Variants in USP47 observed in about 807,000 individuals in gnomAD.
USP47 encodes the protein ubiquitin specific peptidase 47.
Under a neutral mutation model 165.1 loss-of-function variants are expected in USP47, and 35 were observed. That is an observed-to-expected ratio of 0.21 (90% CI 0.16 to 0.28). The LOEUF is 0.28. Among genes scored for constraint, USP47 ranks in the 10% least tolerant of loss-of-function variants. The pLI, the probability that USP47 is intolerant of heterozygous loss-of-function variation, is 1.00. For synonymous variants in USP47, 531 were observed against 544.5 expected (o/e 0.98, Z 0.35); for missense variants, 1,277 against 1,607.4 (o/e 0.79, Z 3.52).
intron 8 of USP47, among the ~76,000 whole-genome samples, chr11:11,910,967 AT>A (rs1300047470): frequency 1.1e-4 from 16 of 152,366 alleles, no homozygotes; most frequent in African/African-American, 2.9e-4. Flanking sequence ...AGCAGCCATC[AT>A]AGAAACACTT....
chr11:11,943,451 A>G (rs80166086), intron 20 of USP47: 2,807 of 162,712 alleles, frequency 0.017, 65 homozygotes, highest in East Asian at 0.082. Flanking sequence ...TTGATATTCA[A>G]TGCCCAGGAA....
intron 8 of USP47, among the ~76,000 whole-genome samples, chr11:11,913,270 A>C (rs1463438995): frequency 6.6e-6 from 1 of 151,196 alleles, no homozygotes; most frequent in East Asian, 1.9e-4. Flanking sequence ...AAAAAAAAAA[A>C]AAAAAAACAA....
Position 11,922,890 on chromosome 11 carries a change from AG to A in USP47, c.1386+1del. 6.2e-7 allele frequency: 1 copy of A among 1,609,224 alleles called. No individual in the cohort carries two copies. The highest frequency in any genetic ancestry group is 8.5e-7 in the Non-Finnish European group (1 of 1,177,166). On this transcript the variant is annotated frameshift_variant and splice_region_variant, in exon 11 of 28. Transcript: ENST00000527733. LOFTEE classifies it high-confidence loss of function. ...TEKISKSGLE[K>X]NSLIYELFSV... ...AAGATCTCAAAATCTGGACTTGAAA[AG>A]GTACCTTTTATAGTTTGCATTTTTT...
At chr11:11,955,926 CA>C in intron 27 of USP47, 74 bp from the exon 28 acceptor site, 1 of 1,165,922 alleles carries the variant, frequency 8.6e-7, no homozygotes, top group Non-Finnish European at 1.2e-6. Context: ...TGAGGAGCAT[CA>C]TAGCATTCAA....
At position 11,915,688 on chromosome 11, in the gene USP47, TAGAC is replaced by T. The variant is rs763504668; in HGVS notation, c.970-4465_970-4462del. Among the ~76,000 whole-genome samples, 27 of 152,080 alleles carry T rather than the reference TAGAC, an allele frequency of 1.8e-4. 1 individual carries two copies. The highest frequency in any genetic ancestry group is 2.0e-4 in the Admixed American group (3 of 15,264). On this transcript the variant is annotated intron_variant, in intron 8 of 27. Coordinates refer to ENST00000527733, the MANE Select transcript of USP47 (RefSeq NM_001282659.2). ...TCAAAAGTTTCAATGAAAAAAAAAG[TAGAC>T]AGCTTAGGTAAAAGTATATAGGCCT...
At chr11:11,865,387 T>G (rs1849614099) in intron 1 of USP47, among the ~76,000 whole-genome samples, 1 of 152,186 alleles carries the variant, frequency 6.6e-6, no homozygotes, top group African/African-American at 2.4e-5. Flanking sequence ...ATTTCCATTG[T>G]TTTTATCTTC....
intron 20 of USP47, among the ~76,000 whole-genome samples, chr11:11,946,960 T>A (rs1200036487): frequency 6.6e-6 from 1 of 152,184 alleles, no homozygotes; most frequent in Non-Finnish European, 1.5e-5. Context: ...CATGGGAATG[T>A]TGGTTTACCA....
Position 11,942,958 on chromosome 11 carries a change from T to A in USP47, c.2937T>A (p.Asn979Lys), listed in dbSNP as rs952128121. Residue 979 changes from asparagine to lysine, a missense_variant, in exon 20 of 28, where the codon AAT (asparagine) becomes AAA (lysine). By Grantham distance (94) the Asn-to-Lys change is moderately conservative. Coordinates refer to ENST00000527733, the MANE Select transcript of USP47 (RefSeq NM_001282659.2). ...CAAGTAGTAGAAGAACGAAAGCAAA[T>A]GAAGGGAAAAAAGAAACATGGGATA... Reference protein sequence around the residue: ...SITSSRRTKANEGKKETWDTA... With the variant: ...SITSSRRTKAKEGKKETWDTA... 16 of 1,612,878 alleles carry A rather than the reference T, an allele frequency of 9.9e-6. No homozygotes were observed. The African/African-American group carries it at 2.1e-4, about 22-fold the overall frequency.
chr11:11,903,654 A>T (rs969169409), intron 7 of USP47, among the ~76,000 whole-genome samples: 1 of 152,168 alleles, frequency 6.6e-6, no homozygotes, highest in Non-Finnish European at 1.5e-5. Context: ...TGATTTTTGA[A>T]CAGCATTTTC....
At chr11:11,921,610 G>T (rs961547099) in intron 10 of USP47, among the ~76,000 whole-genome samples, 28 of 151,904 alleles carry the variant, frequency 1.8e-4, no homozygotes, top group Non-Finnish European at 3.7e-4. Context: ...TACCCAAAGT[G>T]TGCCAGACTT....
At chr11:11,953,977 C>A (rs920924833) in intron 25 of USP47, among the ~76,000 whole-genome samples, 2 of 152,016 alleles carry the variant, frequency 1.3e-5, no homozygotes, top group Admixed American at 6.5e-5. Flanking sequence ...AGGTTGGGTG[C>A]CATGGCTCAC....
Position 11,896,062 on chromosome 11 carries a change from C to T in USP47, c.497-1535C>T, listed in dbSNP as rs113695772. 4.5e-3 allele frequency among the ~76,000 whole-genome samples: 690 copies of T among 152,228 alleles called. 6 individuals are homozygous for T. Among genetic ancestry groups the T allele is most frequent in the African/African-American group, 0.016 (670 of 41,532 alleles). ...GCACTTTTAATAGTGTCACCAAAAT[C>T]GTCATACTTTTGGAAAATAGTACAT... is the stretch of plus-strand genomic sequence containing the variant. On this transcript the variant is annotated intron_variant, in intron 4 of 27. Transcript: ENST00000527733.
intron 19 of USP47, among the ~76,000 whole-genome samples, chr11:11,941,501 A>G (rs556862637): frequency 9.2e-5 from 14 of 152,164 alleles, no homozygotes; most frequent in South Asian, 8.3e-4. Context: ...AAGATTTATT[A>G]TGGAAAATTT....
At position 11,929,500 on chromosome 11, in the gene USP47, T is replaced by G. The variant is rs773026408; in HGVS notation, c.1453T>G (p.Tyr485Asp). The change falls in exon 12 of 28, where the codon TAT (tyrosine) becomes GAT (aspartate). Residue 485 changes from tyrosine to aspartate, a missense_variant. Tyr to Asp is a radical substitution (Grantham distance 160). Around this residue, in one of 4 missense-constraint regions of USP47, gnomAD observed 909 missense variants for 1,068.1 expected, o/e 0.85. Coordinates refer to ENST00000527733, the MANE Select transcript of USP47 (RefSeq NM_001282659.2). ...HSGSAAGGHYYACIKSFSDEQ... is the reference protein window; with the variant it reads ...HSGSAAGGHYDACIKSFSDEQ... Reference sequence around the variant, plus strand: ...TGGGAGCGCTGCTGGTGGTCATTATTATGCATGTATAAAGTCATTCAGTGA... The same window carrying G: ...TGGGAGCGCTGCTGGTGGTCATTATGATGCATGTATAAAGTCATTCAGTGA... The G allele has an allele frequency of 2.5e-6, 4 of 1,613,410 alleles. No individual in the cohort carries two copies. The highest frequency in any genetic ancestry group is 3.4e-6 in the Non-Finnish European group (4 of 1,179,470).
intron 1 of USP47, among the ~76,000 whole-genome samples, chr11:11,855,576 A>G (rs1848991545): frequency 6.6e-6 from 1 of 152,230 alleles, no homozygotes; most frequent in Non-Finnish European, 1.5e-5. Flanking sequence ...ATCTTTCTGT[A>G]TAAAGATGTG....
intron 8 of USP47, among the ~76,000 whole-genome samples, chr11:11,905,979 A>G (rs1026019802): frequency 1.3e-5 from 2 of 152,156 alleles, no homozygotes; most frequent in South Asian, 2.1e-4. Flanking sequence ...CAAACAGTCC[A>G]TATTTTTAAA....
intron 12 of USP47, 73 bp from the exon 13 acceptor site, chr11:11,929,971 A>G (rs1386113711): frequency 6.6e-6 from 8 of 1,205,108 alleles, no homozygotes; most frequent in Non-Finnish European, 8.6e-6. Flanking sequence ...GAGGCTAAAG[A>G]TTGAGTTACA....
At chr11:11,863,474 G>A (rs910243749) in intron 1 of USP47, among the ~76,000 whole-genome samples, 2 of 152,168 alleles carry the variant, frequency 1.3e-5, no homozygotes, top group African/African-American at 4.8e-5. Context: ...TAAGAACACA[G>A]CTTTCTGCTG....
intron 8 of USP47, among the ~76,000 whole-genome samples, chr11:11,908,711 A>G (rs1250149728): frequency 2.0e-5 from 3 of 151,988 alleles, no homozygotes; most frequent in Non-Finnish European, 4.4e-5. Context: ...GCCTTTTATT[A>G]TAATAATTTC....
Sources: allele counts gnomAD v4.1 joint callset (sites outside exome capture counted in the v4.1 genomes callset), GRCh38; gene constraint gnomAD v4.1.1; regional missense constraint gnomAD v4.1.1; transcripts MANE v1.5; gene names NCBI Gene and HGNC (gene_info 2026-07-23, HGNC 2026-07-21).